The following CROCC2 variants were observed in gnomAD, a reference collection of about 807,000 sequenced individuals.
CROCC2 encodes the protein ciliary rootlet coiled-coil protein 2.
CROCC2 carries 163 observed loss-of-function variants against 177.6 expected under a neutral mutation model. The ratio of observed to expected loss-of-function variants is 0.92; its 90% CI spans 0.81 to 1.05. The LOEUF (loss-of-function observed/expected upper bound fraction) is 1.05, where lower values mean the gene tolerates loss of function less well. Ranked by LOEUF, CROCC2 falls within the 50% of genes least tolerant of loss-of-function variation. The pLI is 0.00. For synonymous variants in CROCC2, 904 were observed against 787.3 expected (o/e 1.15, Z -2.48); for missense variants, 1,929 against 1,797.8 (o/e 1.07, Z -1.32).
At chr2:240,987,596 C>A (rs2059849137) in intron 28 of CROCC2, among the ~76,000 whole-genome samples, 1 of 152,246 alleles carries the variant, frequency 6.6e-6, no homozygotes, top group South Asian at 2.1e-4. Context: ...GGGCCCGAAA[C>A]CAGGCCTGCT....
rs1262523099 is a variant in CROCC2, at chr2:240,963,576, G to A, written c.3108G>A (p.Gln1036=). 1.9e-6 allele frequency: 3 copies of A among 1,545,280 alleles called. No individual in the cohort carries two copies. Among genetic ancestry groups the A allele is most frequent in the Non-Finnish European group, 2.6e-6 (3 of 1,144,542 alleles). Residue 1036 remains glutamine (Q), a synonymous_variant, in exon 21 of 32, where the codon CAG becomes CAA. Coordinates refer to ENST00000690015, the MANE Select transcript of CROCC2 (RefSeq NM_001351305.2). Reference sequence around the variant, plus strand: ...CCCAGGCTGAGAGGCTGCGGGCACAGCTGACCGTGGCCCAGGAGGGACTGG... The same window carrying A: ...CCCAGGCTGAGAGGCTGCGGGCACAACTGACCGTGGCCCAGGAGGGACTGG... ...VEREAERLRA[Q]LTVAQEGLAA... is the part of the protein sequence containing the mutation.
intron 14 of CROCC2, among the ~76,000 whole-genome samples, chr2:240,945,479 C>T (rs2059517781): frequency 6.6e-6 from 1 of 152,128 alleles, no homozygotes; most frequent in Admixed American, 6.5e-5. Flanking sequence ...ATGGTACTGC[C>T]AGAAGTTCTT....
chr2:240,966,254 C>A lies in CROCC2; in HGVS notation c.3991C>A (p.Gln1331Lys). The A allele has an allele frequency of 1.6e-6, 1 of 643,698 alleles. No homozygotes were observed. Among genetic ancestry groups the A allele is most frequent in the Non-Finnish European group, 2.2e-6 (1 of 447,688 alleles). The allele number at this position is 643,698 out of a possible 1,614,324, so 39.9% of individuals were successfully genotyped here. ...CGACAGCTCCCAGGCTCTCCCTGGG[C>A]AACAGGGTACCAGCCCCCCAGCCAG... ...GSDSSQALPG[Q>K]QGTSPPARPH... The change falls in exon 25 of 32, where the codon CAA becomes AAA. Residue 1331 changes from glutamine (Q) to lysine (K), a missense_variant. Physicochemically the swap from Gln to Lys is moderately conservative, Grantham distance 53. Coordinates refer to ENST00000690015, the MANE Select transcript of CROCC2 (RefSeq NM_001351305.2).
Position 240,950,415 on chromosome 2 carries a change from A to G in CROCC2, c.2734A>G (p.Ser912Gly), listed in dbSNP as rs1177508585. ...LEQEKELVTK[S>G]AAEREALKGE... ...GCAGGAGAAGGAGCTGGTGACAAAA[A>G]GTGCAGCTGAGAGGGAGGCTCTGAA... The change falls in exon 18 of 32, where the codon AGT becomes GGT. Residue 912 changes from serine to glycine, a missense_variant. This residue lies in a region of CROCC2 where 1,397 missense variants were observed against 1,239.9 expected (regional missense o/e 1.13). Transcript: ENST00000690015. 1.9e-6 allele frequency: 3 copies of G among 1,550,238 alleles called. No individual in the cohort carries two copies. Among genetic ancestry groups the G allele is most frequent in the Non-Finnish European group, 2.6e-6 (3 of 1,146,852 alleles).
At position 240,931,840 on chromosome 2, in the gene CROCC2, C is replaced by T. The variant is rs533555797; in HGVS notation, c.948-478C>T. On this transcript the variant is annotated intron_variant, in intron 7 of 31. Transcript: ENST00000690015. ...AATGAGCAAGACAGGACATGGGGGC[C>T]CAACGGTGCCATACAGCTGCAGGGG... Among the ~76,000 whole-genome samples the T allele has an allele frequency of 3.3e-5, 5 of 152,348 alleles. No individual in the cohort carries two copies. In the East Asian group the frequency reaches 9.7e-4, roughly 29 times the overall value.
intron 19 of CROCC2, 123 bp downstream of exon 19, chr2:240,956,095 A>T (rs2059588419): frequency 2.8e-6 from 2 of 717,228 alleles, no homozygotes; most frequent in Admixed American, 4.6e-5. Flanking sequence ...CCTGAGCCTC[A>T]GTTTCCCCCA....
chr2:240,958,281 G>A lies in CROCC2; in HGVS notation c.2944-1020G>A, dbSNP rs541620380. 4 of 795,656 alleles carry A rather than the reference G, an allele frequency of 5.0e-6. No individual in the cohort carries two copies. In the East Asian group the frequency reaches 5.0e-4, roughly 100 times the overall value. The allele number at this position is 795,656 out of a possible 1,614,324, so 49.3% of individuals were successfully genotyped here. On this transcript the variant is annotated intron_variant, in intron 19 of 31. Transcript: ENST00000690015. This position sits in a 1 kb window ranked among gnomAD's most constrained non-coding sequence, Gnocchi z 6.7. ...GGGGTATCCTGCAGCCAGGCCTCAGGGGCACCCATCACTGGCAGTGTTGGG... is the reference window on the plus strand; with the variant it reads ...GGGGTATCCTGCAGCCAGGCCTCAGAGGCACCCATCACTGGCAGTGTTGGG...
At chr2:240,975,349 T>C (rs2059752619) in intron 27 of CROCC2, among the ~76,000 whole-genome samples, 1 of 152,154 alleles carries the variant, frequency 6.6e-6, no homozygotes, top group South Asian at 2.1e-4. Context: ...TCCAATCCCC[T>C]TGTATCTGAG....
chr2:240,984,537 A>C (rs1017767839), intron 28 of CROCC2, among the ~76,000 whole-genome samples: 16 of 111,022 alleles, frequency 1.4e-4, no homozygotes, highest in African/African-American at 5.6e-4. Flanking sequence ...TTCCACACAC[A>C]CCCAGGCACT....
At chr2:240,974,269 A>G (rs931065967) in intron 27 of CROCC2, among the ~76,000 whole-genome samples, 1 of 150,800 alleles carries the variant, frequency 6.6e-6, no homozygotes, top group African/African-American at 2.4e-5. Context: ...GAATCAATGT[A>G]TCTCTTCTTT....
chr2:240,910,907 G>T (rs2106448910), intron 1 of CROCC2, among the ~76,000 whole-genome samples: 1 of 152,222 alleles, frequency 6.6e-6, no homozygotes, highest in African/African-American at 2.4e-5. Flanking sequence ...AAGGCGGGCG[G>T]ATCGCTTGAG....
Position 240,983,234 on chromosome 2 carries a change from G to C in CROCC2, c.4551+205G>C, listed in dbSNP as rs551487469. The C allele has an allele frequency of 9.3e-6, 8 of 858,380 alleles. No individual in the cohort carries two copies. The African/African-American group carries it at 1.4e-4, about 15-fold the overall frequency. The allele number at this position is 858,380 out of a possible 1,614,324, so 53.2% of individuals were successfully genotyped here. A position where few individuals can be genotyped will look rare whatever the true frequency, so the allele number is the denominator to read the frequency against. ...ACAGATGGGGAAACTGAGCCTGGAGGGGCCCACAGGGAGTCAGGGGGCTGG... is the reference window on the plus strand; with the variant it reads ...ACAGATGGGGAAACTGAGCCTGGAGCGGCCCACAGGGAGTCAGGGGGCTGG... On this transcript the variant is annotated intron_variant, in intron 28 of 31. Coordinates refer to ENST00000690015, the MANE Select transcript of CROCC2 (RefSeq NM_001351305.2).
intron 21 of CROCC2, 194 bp from the exon 22 acceptor site, chr2:240,964,272 T>A: frequency 1.6e-6 from 1 of 640,718 alleles, no homozygotes; most frequent in Non-Finnish European, 2.8e-6. Flanking sequence ...ACAGGGGCCA[T>A]GCGGCCGGCA....
intron 22 of CROCC2, 135 bp downstream of exon 22, chr2:240,964,760 G>A (rs567581823): frequency 1.9e-5 from 22 of 1,136,638 alleles, no homozygotes; most frequent in Middle Eastern, 2.9e-4. Context: ...TTTGGGCCAC[G>A]CCCTGCTCAG....
chr2:240,961,136 C>G (rs2059630163), intron 20 of CROCC2, among the ~76,000 whole-genome samples: 1 of 152,176 alleles, frequency 6.6e-6, no homozygotes, highest in Non-Finnish European at 1.5e-5. Flanking sequence ...AGGCGCCAGG[C>G]TGGCCCAGGG....
At chr2:240,933,026 C>T in intron 9 of CROCC2, 105 bp from the exon 10 acceptor site, 1 of 1,364,916 alleles carries the variant, frequency 7.3e-7, no homozygotes, top group Non-Finnish European at 9.9e-7. Flanking sequence ...GGGAGGGGCC[C>T]CAGTGTCGGG....
chr2:240,945,216 G>A (rs2059515844), intron 14 of CROCC2, among the ~76,000 whole-genome samples: 6 of 152,210 alleles, frequency 3.9e-5, no homozygotes, highest in Admixed American at 3.3e-4. Context: ...GATTATAGGC[G>A]TGAGCCGCCT....
chr2:240,932,898 G>A lies in CROCC2; in HGVS notation c.1241G>A (p.Arg414Gln), dbSNP rs578029041. The A allele has an allele frequency of 8.2e-5, 127 of 1,546,062 alleles. No homozygotes were observed. Among genetic ancestry groups the A allele is most frequent in the Middle Eastern group, 2.0e-4 (1 of 4,890 alleles). Residue 414 changes from arginine (R) to glutamine (Q), a missense_variant, in exon 9 of 32, where the codon CGG (arginine) becomes CAG (glutamine). This residue lies in a region of CROCC2 where 1,397 missense variants were observed against 1,239.9 expected (regional missense o/e 1.13). Coordinates refer to ENST00000690015, the MANE Select transcript of CROCC2 (RefSeq NM_001351305.2). Reference protein sequence around the residue: ...AMRAAIERRWRREQELCLQLK... With the variant: ...AMRAAIERRWQREQELCLQLK... ...CGGGCAGCCATAGAGAGGCGGTGGC[G>A]GCGGGAACAGGTGGGCAGCCGCAGC...
intron 25 of CROCC2, among the ~76,000 whole-genome samples, chr2:240,967,057 AC>A (rs1198389159): frequency 1.3e-5 from 2 of 151,706 alleles, no homozygotes; most frequent in Non-Finnish European, 2.9e-5. Context: ...GTGGGCCGCC[AC>A]CTGCCAGCTC....
Sources: gnomAD v4.1 joint callset for allele counts (sites outside exome capture counted in the v4.1 genomes callset) on GRCh38, gnomAD v4.1.1 for gene constraint, gnomAD v4.1.1 regional missense constraint, Gnocchi (gnomAD v3.1) non-coding constraint, MANE v1.5 for transcripts, NCBI Gene and HGNC (gene_info 2026-07-23, HGNC 2026-07-21) for gene names.